The following TMEM236 variants were observed in gnomAD, a reference collection of about 807,000 sequenced individuals.
TMEM236 encodes family with sequence similarity 23, member A.
TMEM236 carries 11 observed loss-of-function variants against 14.7 expected under a neutral mutation model. The observed-to-expected ratio is 0.75, with a 90% CI of 0.47 to 1.24. TMEM236 has a LOEUF of 1.24. Among genes scored for constraint, TMEM236 ranks in the 50% most tolerant of loss-of-function variants. TMEM236 has a pLI of 0.00. For synonymous variants in TMEM236, 182 were observed against 168.6 expected (o/e 1.08, Z -0.62); for missense variants, 464 against 427.3 (o/e 1.09, Z -0.76).
At chr10:17,773,857 T>C (rs1424832403) in intron 2 of TMEM236, among the ~76,000 whole-genome samples, 8 of 152,362 alleles carry the variant, frequency 5.3e-5, no homozygotes, top group Admixed American at 1.3e-4. Context: ...AATATCTTTA[T>C]GTAACTTGTC....
chr10:17,755,928 C>T (rs35509850), intron 1 of TMEM236, among the ~76,000 whole-genome samples: 10,749 of 152,210 alleles, frequency 0.071, 395 homozygotes, highest in Non-Finnish European at 0.08. Flanking sequence ...TTATAGATCA[C>T]TGATTATGTG....
chr10:17,765,412 T>C (rs1310858251), intron 1 of TMEM236, among the ~76,000 whole-genome samples: 1 of 152,092 alleles, frequency 6.6e-6, no homozygotes, highest in Non-Finnish European at 1.5e-5. Flanking sequence ...GTCCCAAATC[T>C]CAACTACACA....
chr10:17,781,678 G>A (rs1280362366), intron 3 of TMEM236, among the ~76,000 whole-genome samples: 3 of 150,804 alleles, frequency 2.0e-5, no homozygotes, highest in South Asian at 2.1e-4. Flanking sequence ...CCCAGGAGGC[G>A]GAGATTGCAG....
chr10:17,754,687 GA>G (rs1837257908), intron 1 of TMEM236, among the ~76,000 whole-genome samples: 1 of 152,116 alleles, frequency 6.6e-6, no homozygotes, highest in Non-Finnish European at 1.5e-5. Flanking sequence ...CCTTGTAGGG[GA>G]GGAAAGTACT....
intron 2 of TMEM236, among the ~76,000 whole-genome samples, chr10:17,772,161 T>C (rs967093199): frequency 6.6e-6 from 1 of 152,182 alleles, no homozygotes; most frequent in Non-Finnish European, 1.5e-5. Context: ...TATAATTTTC[T>C]GACATTAGAG....
At chr10:17,761,716 A>C (rs1002606643) in intron 1 of TMEM236, among the ~76,000 whole-genome samples, 1 of 151,694 alleles carries the variant, frequency 6.6e-6, no homozygotes, top group Non-Finnish European at 1.5e-5. Flanking sequence ...AAAAAAGAAA[A>C]GGAAGTTTTC....
At chr10:17,761,192 G>A (rs1319141982) in intron 1 of TMEM236, among the ~76,000 whole-genome samples, 1 of 151,920 alleles carries the variant, frequency 6.6e-6, no homozygotes, top group Non-Finnish European at 1.5e-5. Context: ...AGTTTCTGAC[G>A]TGGTCCCCCA....
intron 2 of TMEM236, among the ~76,000 whole-genome samples, chr10:17,774,877 G>A (rs1048550239): frequency 3.3e-5 from 5 of 149,508 alleles, no homozygotes; most frequent in Non-Finnish European, 3.0e-5. Flanking sequence ...AGCTCACTGC[G>A]ACCTCTGCCT....
Position 17,795,860 on chromosome 10 carries a change from C to T in TMEM236, c.473-61C>T, listed in dbSNP as rs1013857881. 464 of 1,510,826 alleles carry T rather than the reference C, an allele frequency of 3.1e-4. 3 individuals are homozygous for T. In the African/African-American group the frequency reaches 5.0e-3, roughly 16 times the overall value. The allele number at this position is 1,510,826 out of a possible 1,614,324, so 93.6% of individuals were successfully genotyped here. On this transcript the variant is annotated intron_variant, in intron 3 of 3. Transcript: ENST00000377495. ...TAAATGGAATTTTAAATTTGAATAA[C>T]ATTTGAGCTAAAATGGATACATTTT...
At chr10:17,762,732 A>G (rs2131743361) in intron 1 of TMEM236, among the ~76,000 whole-genome samples, 1 of 150,674 alleles carries the variant, frequency 6.6e-6, no homozygotes, top group Non-Finnish European at 1.5e-5. Context: ...CAGTGGCATG[A>G]TCATAGCTCA....
At chr10:17,765,621 G>A (rs1478496975) in intron 1 of TMEM236, among the ~76,000 whole-genome samples, 1 of 152,196 alleles carries the variant, frequency 6.6e-6, no homozygotes, top group Non-Finnish European at 1.5e-5. Flanking sequence ...AATTGGAAGG[G>A]GAACAGGAGT....
At chr10:17,783,382 A>G (rs1173140245) in intron 3 of TMEM236, among the ~76,000 whole-genome samples, 1 of 152,326 alleles carries the variant, frequency 6.6e-6, no homozygotes, top group East Asian at 1.9e-4. Context: ...GGTGAGGTCA[A>G]CAGGCTATTT....
In TMEM236 at chr10:17,754,501, G is replaced by GT. The variant is rs1424188412; in HGVS notation, c.257+1955dup. On this transcript the variant is annotated intron_variant, in intron 1 of 3. Coordinates refer to ENST00000377495, the MANE Select transcript of TMEM236 (RefSeq NM_001098844.3). Reference sequence around the variant, plus strand: ...CACCACACCCGGCTACTTTTTTTGTGTTTTTTATAAAGATGAGGTTTTGCC... The same window carrying GT: ...CACCACACCCGGCTACTTTTTTTGTGTTTTTTTATAAAGATGAGGTTTTGCC... 8.3e-3 allele frequency among the ~76,000 whole-genome samples: 1,261 copies of GT among 151,858 alleles called. 16 individuals are homozygous for GT. The highest frequency in any genetic ancestry group is 0.029 in the African/African-American group (1,201 of 41,402).
chr10:17,775,433 C>G lies in TMEM236; in HGVS notation c.331-596C>G, dbSNP rs984196889. On this transcript the variant is annotated intron_variant, in intron 2 of 3. Coordinates refer to ENST00000377495, the MANE Select transcript of TMEM236 (RefSeq NM_001098844.3). Reference sequence around the variant, plus strand: ...CGAACCAAAGATGTGTGCCACCACACCCAGCTAATTTTTAAATTTTTCATA... The same window carrying G: ...CGAACCAAAGATGTGTGCCACCACAGCCAGCTAATTTTTAAATTTTTCATA... Among the ~76,000 whole-genome samples, 5 of 152,288 alleles carry G rather than the reference C, an allele frequency of 3.3e-5. 1 individual carries two copies. Among genetic ancestry groups the G allele is most frequent in the African/African-American group, 1.2e-4 (5 of 41,550 alleles).
At chr10:17,753,919 T>C (rs1837245642) in intron 1 of TMEM236, among the ~76,000 whole-genome samples, 1 of 152,214 alleles carries the variant, frequency 6.6e-6, no homozygotes, top group Non-Finnish European at 1.5e-5. Flanking sequence ...GGTAAGGATG[T>C]GAGCAGAGCG....
At chr10:17,789,119 C>T (rs1285055575) in intron 3 of TMEM236, among the ~76,000 whole-genome samples, 3 of 152,160 alleles carry the variant, frequency 2.0e-5, no homozygotes, top group Non-Finnish European at 4.4e-5. Flanking sequence ...AAGAGATACA[C>T]ACAAGAGACT....
chr10:17,764,137 T>C (rs1205794298), intron 1 of TMEM236, among the ~76,000 whole-genome samples: 1 of 152,194 alleles, frequency 6.6e-6, no homozygotes, highest in Non-Finnish European at 1.5e-5. Context: ...AAAAGTTTTA[T>C]GTTTCTGAGC....
intron 1 of TMEM236, among the ~76,000 whole-genome samples, chr10:17,764,025 TGTC>T (rs1837419827): frequency 6.6e-6 from 1 of 152,184 alleles, no homozygotes; most frequent in South Asian, 2.1e-4. Context: ...CTCATTGAGT[TGTC>T]GTAAAGAGCT....
In TMEM236 at chr10:17,767,290, G is replaced by A. The variant is rs929324243; in HGVS notation, c.258-4019G>A. On this transcript the variant is annotated intron_variant, in intron 1 of 3. Coordinates refer to ENST00000377495, the MANE Select transcript of TMEM236 (RefSeq NM_001098844.3). ...AGCCTGACCAAGATGGTGAAACCCC[G>A]TCTCTACTAAAAATACAAAAATTAG... Among the ~76,000 whole-genome samples the A allele has an allele frequency of 6.6e-5, 10 of 151,970 alleles. No individual in the cohort carries two copies. In the South Asian group the frequency reaches 8.3e-4, roughly 13 times the overall value.
Sources: allele counts gnomAD v4.1 joint callset (sites outside exome capture counted in the v4.1 genomes callset), GRCh38; gene constraint gnomAD v4.1.1; transcripts MANE v1.5; gene names NCBI Gene and HGNC (gene_info 2026-07-23, HGNC 2026-07-21).